ASRGL1: variants seen among roughly 807,000 people sequenced by gnomAD.
ASRGL1 encodes isoaspartyl peptidase/L-asparaginase.
ASRGL1 carries 16 observed loss-of-function variants against 22.4 expected under a neutral mutation model. The observed-to-expected ratio is 0.71, with a 90% CI of 0.48 to 1.08. ASRGL1 has a LOEUF of 1.08. ASRGL1 is among the 50% of genes least tolerant of loss of function. The pLI is 0.00. For synonymous variants in ASRGL1, 165 were observed against 159.3 expected, an observed-to-expected ratio of 1.04 and a Z score of -0.27; for missense variants, 412 against 410.1, an observed-to-expected ratio of 1.00 and a Z score of -0.04.
At chr11:62,340,612 GCCTT>G (rs1230478272) in intron 2 of ASRGL1, among the ~76,000 whole-genome samples, 10 of 152,176 alleles carry the variant, frequency 6.6e-5, no homozygotes, top group Non-Finnish European at 1.3e-4. Flanking sequence ...GTATCCAGAG[GCCTT>G]CCTTCTCAAC....
chr11:62,373,811 G>C (rs773017053), intron 4 of ASRGL1, among the ~76,000 whole-genome samples: 3 of 152,240 alleles, frequency 2.0e-5, no homozygotes, highest in Non-Finnish European at 2.9e-5. Flanking sequence ...TGGGGGATTG[G>C]GGATCTGTGT....
chr11:62,343,207 G>T (rs1349009362), intron 2 of ASRGL1, among the ~76,000 whole-genome samples: 1 of 151,726 alleles, frequency 6.6e-6, no homozygotes, highest in East Asian at 1.9e-4. Flanking sequence ...GTGAAACCCT[G>T]TCTCTGCTAA....
At chr11:62,363,525 A>G (rs1946536030) in intron 4 of ASRGL1, among the ~76,000 whole-genome samples, 1 of 152,232 alleles carries the variant, frequency 6.6e-6, no homozygotes, top group South Asian at 2.1e-4. Context: ...AAAACCTAAA[A>G]GAATTTATCT....
intron 4 of ASRGL1, among the ~76,000 whole-genome samples, chr11:62,384,033 T>C (rs1947143429): frequency 7.1e-6 from 1 of 140,644 alleles, no homozygotes; most frequent in East Asian, 2.1e-4. Flanking sequence ...TGCACGTGTG[T>C]GCGTGTGTGT....
chr11:62,390,898 T>A (rs1947320643), intron 5 of ASRGL1, among the ~76,000 whole-genome samples: 2 of 152,172 alleles, frequency 1.3e-5, no homozygotes, highest in Admixed American at 6.5e-5. Flanking sequence ...TAGCTGTGTG[T>A]GAACAGATAC....
At chr11:62,365,507 T>A (rs1423005542) in intron 4 of ASRGL1, among the ~76,000 whole-genome samples, 1 of 151,692 alleles carries the variant, frequency 6.6e-6, no homozygotes, top group Non-Finnish European at 1.5e-5. Context: ...TGAGCCAAGA[T>A]CACGCCACTG....
rs749974491 is a variant in ASRGL1, at chr11:62,356,456, G to A, written c.322G>A (p.Val108Ile). 1.9e-6 allele frequency: 3 copies of A among 1,614,028 alleles called. No homozygotes were observed. The African/African-American group carries it at 4.0e-5, about 22-fold the overall frequency. Reference sequence around the variant, plus strand: ...AAATCCCATTAAACTTGCTCGGCTTGTCATGGAAAAGGTATATGTGACTAA... The same window carrying A: ...AAATCCCATTAAACTTGCTCGGCTTATCATGGAAAAGGTATATGTGACTAA... ...IANPIKLARL[V>I]MEKTPHCFLT... Residue 108 changes from valine (V) to isoleucine (I), a missense_variant, in exon 3 of 7, where the codon GTC becomes ATC. Transcript: ENST00000415229.
chr11:62,365,384 C>A (rs112288639), intron 4 of ASRGL1, among the ~76,000 whole-genome samples: 2 of 148,814 alleles, frequency 1.3e-5, no homozygotes. Context: ...TGAAACCCCA[C>A]TTCTACTAAA....
intron 2 of ASRGL1, among the ~76,000 whole-genome samples, chr11:62,348,644 A>G (rs1435108305): frequency 6.6e-6 from 1 of 152,006 alleles, no homozygotes; most frequent in Non-Finnish European, 1.5e-5. Context: ...TGGAGGTTGC[A>G]GTGAGCCAAG....
At chr11:62,387,379 T>A (rs1947240659) in intron 4 of ASRGL1, among the ~76,000 whole-genome samples, 1 of 152,204 alleles carries the variant, frequency 6.6e-6, no homozygotes, top group Non-Finnish European at 1.5e-5. Flanking sequence ...GTACTATTAA[T>A]AATTAAGCCA....
At chr11:62,339,854 A>C (rs927906652) in intron 2 of ASRGL1, among the ~76,000 whole-genome samples, 2 of 152,242 alleles carry the variant, frequency 1.3e-5, no homozygotes. Flanking sequence ...TCCTGGAATT[A>C]TACCACCCAT....
At chr11:62,356,929 T>G in intron 3 of ASRGL1, 58 bp from the exon 4 acceptor site, 1 of 1,536,124 alleles carries the variant, frequency 6.5e-7, no homozygotes, top group African/African-American at 1.4e-5. Context: ...GTTGGAACAG[T>G]TAAAAAGATT....
chr11:62,370,755 A>G (rs1946739871), intron 4 of ASRGL1, among the ~76,000 whole-genome samples: 1 of 152,086 alleles, frequency 6.6e-6, no homozygotes, highest in South Asian at 2.1e-4. Flanking sequence ...TCACCGCACT[A>G]TTGGCCACAC....
At chr11:62,338,581 C>T (rs1945784079) in intron 2 of ASRGL1, among the ~76,000 whole-genome samples, 1 of 152,136 alleles carries the variant, frequency 6.6e-6, no homozygotes, top group Admixed American at 6.5e-5. Context: ...TTTGTCCAAA[C>T]ACCTGGAATC....
intron 4 of ASRGL1, chr11:62,371,076 T>C (rs1946747574): frequency 1.7e-6 from 1 of 579,076 alleles, no homozygotes; most frequent in Non-Finnish European, 2.7e-6. Context: ...ATCCGTCTTT[T>C]AGTTGCTTCT....
chr11:62,338,523 G>C (rs192910917), intron 2 of ASRGL1, among the ~76,000 whole-genome samples: 1 of 152,132 alleles, frequency 6.6e-6, no homozygotes, highest in Non-Finnish European at 1.5e-5. Context: ...TGGTTTCCAG[G>C]TCATAGTTAA....
chr11:62,384,076 A>G (rs1947146002), intron 4 of ASRGL1, among the ~76,000 whole-genome samples: 1 of 151,646 alleles, frequency 6.6e-6, no homozygotes, highest in South Asian at 2.1e-4. Context: ...TGCCATCACC[A>G]GCCGATTAAC....
At chr11:62,381,466 C>G (rs1417484065) in intron 4 of ASRGL1, among the ~76,000 whole-genome samples, 1 of 152,174 alleles carries the variant, frequency 6.6e-6, no homozygotes, top group Admixed American at 6.5e-5. Flanking sequence ...TATTACACAG[C>G]TTTCAGGGGC....
intron 2 of ASRGL1, among the ~76,000 whole-genome samples, chr11:62,341,088 C>A (rs190862244): frequency 6.6e-6 from 1 of 152,062 alleles, no homozygotes; most frequent in Non-Finnish European, 1.5e-5. Flanking sequence ...GATTGGCAAC[C>A]AAATGACCAT....
Sources: allele counts gnomAD v4.1 joint callset (sites outside exome capture counted in the v4.1 genomes callset), GRCh38; gene constraint gnomAD v4.1.1; transcripts MANE v1.5; gene names NCBI Gene and HGNC (gene_info 2026-07-23, HGNC 2026-07-21).